The following EYA4 variants were observed in gnomAD, a reference collection of about 807,000 sequenced individuals.
EYA4 encodes the protein EYA transcriptional coactivator and phosphatase 4.
Under a neutral mutation model 87.9 loss-of-function variants are expected in EYA4, and 31 were observed. The ratio of observed to expected loss-of-function variants is 0.35; its 90% CI spans 0.27 to 0.48. The LOEUF is 0.48. EYA4 is among the 20% of genes least tolerant of loss of function. The pLI is 0.99. For missense variants in EYA4, 678 were observed against 761.4 expected (o/e 0.89, Z 1.29); for synonymous variants, 263 against 270.6 (o/e 0.97, Z 0.28).
At chr6:133,356,555 T>G (rs965843250) in intron 2 of EYA4, among the ~76,000 whole-genome samples, 20 of 152,134 alleles carry the variant, frequency 1.3e-4, no homozygotes, top group African/African-American at 4.6e-4. Flanking sequence ...AAGATAGAAG[T>G]TGAATGCTGC....
chr6:133,324,104 A>T (rs909378440), intron 2 of EYA4, among the ~76,000 whole-genome samples: 3 of 152,284 alleles, frequency 2.0e-5, no homozygotes, highest in African/African-American at 7.2e-5. Flanking sequence ...AAAATTGGAC[A>T]CCAATTCATA....
At chr6:133,258,207 G>A (rs1775500820) in intron 1 of EYA4, among the ~76,000 whole-genome samples, 1 of 152,062 alleles carries the variant, frequency 6.6e-6, no homozygotes, top group African/African-American at 2.4e-5. Context: ...GGCATAGAGT[G>A]GGGACGAGGA....
At chr6:133,405,159 T>C (rs1315542075) in intron 3 of EYA4, among the ~76,000 whole-genome samples, 1 of 152,158 alleles carries the variant, frequency 6.6e-6, no homozygotes, top group African/African-American at 2.4e-5. Flanking sequence ...TGCTAGAATA[T>C]TGTTTTACCC....
chr6:133,448,217 T>G (rs1380437211), intron 5 of EYA4, 38 bp downstream of exon 5: 2 of 1,488,994 alleles, frequency 1.3e-6, no homozygotes, highest in Non-Finnish European at 1.9e-6. Context: ...TGTTTGGGTG[T>G]GTGGATTTGC....
intron 2 of EYA4, among the ~76,000 whole-genome samples, chr6:133,291,420 A>G (rs1349272168): frequency 6.6e-6 from 1 of 152,170 alleles, no homozygotes; most frequent in African/African-American, 2.4e-5. Context: ...AGATGTATGT[A>G]TTTGATAACT....
intron 14 of EYA4, among the ~76,000 whole-genome samples, chr6:133,512,099 G>C (rs1181849285): frequency 1.3e-5 from 2 of 152,006 alleles, no homozygotes; most frequent in African/African-American, 4.8e-5. Flanking sequence ...CTTAAAAGTA[G>C]TCTTTTTGAT....
intron 2 of EYA4, among the ~76,000 whole-genome samples, chr6:133,333,263 G>C (rs572944513): frequency 6.6e-6 from 1 of 152,328 alleles, no homozygotes; most frequent in South Asian, 2.1e-4. Context: ...TACTTGATAA[G>C]TGAATGAAAA....
chr6:133,250,445 C>G (rs1474725717), intron 1 of EYA4, among the ~76,000 whole-genome samples: 2 of 151,980 alleles, frequency 1.3e-5, no homozygotes, highest in African/African-American at 2.4e-5. Context: ...AGTTCGAGAC[C>G]AGCCTGACCA....
chr6:133,348,585 A>C (rs1424651681), intron 2 of EYA4, among the ~76,000 whole-genome samples: 1 of 151,286 alleles, frequency 6.6e-6, no homozygotes, highest in Non-Finnish European at 1.5e-5. Context: ...AATGTTGGAT[A>C]CTCCTTTGGT....
intron 2 of EYA4, among the ~76,000 whole-genome samples, chr6:133,310,815 T>C (rs2128331740): frequency 6.6e-6 from 1 of 152,340 alleles, no homozygotes; most frequent in East Asian, 1.9e-4. Flanking sequence ...ACTAAAGTAT[T>C]AGGATAATTT....
At chr6:133,522,325 A>G (rs1344400770) in intron 17 of EYA4, among the ~76,000 whole-genome samples, 1 of 151,324 alleles carries the variant, frequency 6.6e-6, no homozygotes, top group Non-Finnish European at 1.5e-5. Context: ...TATAAAAACT[A>G]CTCTACCGTG....
chr6:133,465,218 A>T (rs960319031), intron 10 of EYA4, among the ~76,000 whole-genome samples: 3 of 152,174 alleles, frequency 2.0e-5, no homozygotes, highest in Non-Finnish European at 2.9e-5. Flanking sequence ...TAATTGGTTG[A>T]ATCAATATTA....
Position 133,530,615 on chromosome 6 carries a change from CT to C in EYA4, c.*1811del. 1.0e-6 allele frequency: 1 copy of C among 985,738 alleles called. No individual in the cohort carries two copies. Among genetic ancestry groups the C allele is most frequent in the Non-Finnish European group, 1.2e-6 (1 of 829,832 alleles). The allele number at this position is 985,738 out of a possible 1,614,324, so 61.1% of individuals were successfully genotyped here. On this transcript the variant is annotated 3_prime_UTR_variant, in exon 20 of 20. Transcript: ENST00000355286. ...TTTTGCTCACAGATCACAACATTCA[CT>C]GTGGAAATATGATTTCATTTCTTTA...
chr6:133,243,161 C>G (rs1043241582), intron 1 of EYA4, among the ~76,000 whole-genome samples: 1 of 151,242 alleles, frequency 6.6e-6, no homozygotes, highest in African/African-American at 2.4e-5. Flanking sequence ...CTCTGGTGTT[C>G]AAACCCAGTG....
intron 13 of EYA4, among the ~76,000 whole-genome samples, chr6:133,497,617 A>T (rs1292284750): frequency 1.3e-5 from 2 of 152,288 alleles, no homozygotes; most frequent in South Asian, 2.1e-4. Flanking sequence ...ATTCGACAGG[A>T]TGTAGACCAG....
chr6:133,307,899 C>A (rs927317814), intron 2 of EYA4, among the ~76,000 whole-genome samples: 1 of 152,098 alleles, frequency 6.6e-6, no homozygotes, highest in Admixed American at 6.6e-5. Flanking sequence ...CCATAATCCC[C>A]GTGTGTTGTG....
chr6:133,369,645 T>C (rs1328722896), intron 2 of EYA4, among the ~76,000 whole-genome samples: 1 of 152,138 alleles, frequency 6.6e-6, no homozygotes, highest in East Asian at 1.9e-4. Context: ...CAAACAAAAA[T>C]GTAAAATGTT....
chr6:133,297,478 G>A lies in EYA4; in HGVS notation c.33+22665G>A, dbSNP rs116514265. On this transcript the variant is annotated intron_variant, in intron 2 of 19. Transcript: ENST00000355286. ...CCCCATCATTGCCCTTTGCAAGATG[G>A]GGCTTTTCTGGTTTATCACTGAGGG... Among the ~76,000 whole-genome samples, 818 of 152,234 alleles carry A rather than the reference G, an allele frequency of 5.4e-3. 7 individuals carry two copies. The highest frequency in any genetic ancestry group is 0.017 in the African/African-American group (725 of 41,534).
chr6:133,445,268 A>G (rs925962681), intron 3 of EYA4, among the ~76,000 whole-genome samples: 16 of 152,186 alleles, frequency 1.1e-4, no homozygotes, highest in African/African-American at 3.4e-4. Context: ...AAGTCCCTGT[A>G]TACAGTGCAA....
Sources: gnomAD v4.1 joint callset for allele counts (sites outside exome capture counted in the v4.1 genomes callset) on GRCh38, gnomAD v4.1.1 for gene constraint, MANE v1.5 for transcripts, NCBI Gene and HGNC (gene_info 2026-07-23, HGNC 2026-07-21) for gene names.